Variants in PARD3 observed in about 807,000 individuals in gnomAD.
PARD3 encodes the protein par-3 family cell polarity regulator.
PARD3 carries 75 observed loss-of-function variants against 155.4 expected under a neutral mutation model. The ratio of observed to expected loss-of-function variants is 0.48; its 90% confidence interval spans 0.40 to 0.58. PARD3 has a LOEUF of 0.58. Ranked by LOEUF, PARD3 falls within the 20% of genes least tolerant of loss-of-function variation. PARD3 has a pLI of 0.00. For missense variants in PARD3, 1,642 were observed against 1,721.7 expected, an observed-to-expected ratio of 0.95 and a Z score of 0.82; for synonymous variants, 576 against 610.5, an observed-to-expected ratio of 0.94 and a Z score of 0.83.
intron 20 of PARD3, among the ~76,000 whole-genome samples, chr10:34,299,182 T>C (rs983914316): frequency 6.6e-6 from 1 of 152,192 alleles, no homozygotes; most frequent in Non-Finnish European, 1.5e-5. Flanking sequence ...AGGAGCCCAG[T>C]GCCTCCCAAA....
At chr10:34,667,493 T>C (rs913745274) in intron 2 of PARD3, among the ~76,000 whole-genome samples, 6 of 152,224 alleles carry the variant, frequency 3.9e-5, no homozygotes, top group African/African-American at 1.4e-4. Flanking sequence ...AATTTAAGGC[T>C]ACAAAATTGT....
chr10:34,516,431 G>C (rs1347350031), intron 3 of PARD3, among the ~76,000 whole-genome samples: 1 of 152,108 alleles, frequency 6.6e-6, no homozygotes, highest in Non-Finnish European at 1.5e-5. Context: ...AAGTATCCCA[G>C]ATCTGGAATA....
chr10:34,462,232 G>C (rs1383839713), intron 4 of PARD3, among the ~76,000 whole-genome samples: 1 of 152,168 alleles, frequency 6.6e-6, no homozygotes, highest in Non-Finnish European at 1.5e-5. Context: ...GAGAGCTACA[G>C]GTCTGTCACA....
intron 22 of PARD3, among the ~76,000 whole-genome samples, chr10:34,245,628 G>C (rs1236285839): frequency 6.6e-6 from 1 of 150,650 alleles, no homozygotes; most frequent in Non-Finnish European, 1.5e-5. Context: ...GGAATGTGTG[G>C]AGAAGAACTG....
At chr10:34,113,109 A>G (rs1186350045) in intron 24 of PARD3, among the ~76,000 whole-genome samples, 2 of 152,224 alleles carry the variant, frequency 1.3e-5, no homozygotes, top group East Asian at 1.9e-4. Flanking sequence ...TGTGACTGAT[A>G]TTACAGCAAC....
rs528308784 is a variant in PARD3 at position 34,297,171 on chromosome 10, C to T, written c.3066-12926G>A. Among the ~76,000 whole-genome samples, 18 of 152,096 alleles carry T rather than the reference C, an allele frequency of 1.2e-4. No individual in the cohort carries two copies. In the South Asian group the frequency reaches 2.1e-3, roughly 18 times the overall value. On this transcript the variant is annotated intron_variant, in intron 20 of 24. Coordinates refer to ENST00000374788, the MANE Select transcript of PARD3 (RefSeq NM_001184785.2). The stretch of plus-strand genomic sequence containing the variant: ...TGCAAAAATTAGCCGGGTACGGTGG[C>T]GCACGCCTGTCGTCCTAGCTACTCG...
chr10:34,803,097 G>A (rs1842976697), intron 1 of PARD3, among the ~76,000 whole-genome samples: 1 of 147,650 alleles, frequency 6.8e-6, no homozygotes, highest in Non-Finnish European at 1.5e-5. Flanking sequence ...AAATTAGCTG[G>A]GCGTGGTGGT....
intron 21 of PARD3, among the ~76,000 whole-genome samples, chr10:34,280,806 G>A (rs1014045533): frequency 6.6e-5 from 10 of 152,142 alleles, no homozygotes; most frequent in African/African-American, 2.4e-4. Context: ...GATGTTTTGA[G>A]AATAAATAAG....
intron 1 of PARD3, among the ~76,000 whole-genome samples, chr10:34,811,969 G>A (rs971119406): frequency 6.6e-6 from 1 of 152,192 alleles, no homozygotes; most frequent in Non-Finnish European, 1.5e-5. Context: ...AGGATGAACA[G>A]CTATTCCCAA....
At chr10:34,458,181 ATTT>A (rs1299726498) in intron 4 of PARD3, among the ~76,000 whole-genome samples, 1 of 152,004 alleles carries the variant, frequency 6.6e-6, no homozygotes, top group Non-Finnish European at 1.5e-5. Flanking sequence ...TCTTAAAATA[ATTT>A]TTTAATTTTG....
intron 3 of PARD3, among the ~76,000 whole-genome samples, chr10:34,498,137 A>G (rs2080416239): frequency 6.6e-6 from 1 of 152,186 alleles, no homozygotes; most frequent in Non-Finnish European, 1.5e-5. Flanking sequence ...AAAAAACAAA[A>G]ATTTCAAATA....
chr10:34,772,929 C>T (rs1272925848), intron 1 of PARD3, among the ~76,000 whole-genome samples: 1 of 151,944 alleles, frequency 6.6e-6, no homozygotes, highest in East Asian at 1.9e-4. Context: ...TTAAAATATG[C>T]CCTTAACATG....
At chr10:34,793,119 G>A (rs1841863544) in intron 1 of PARD3, among the ~76,000 whole-genome samples, 1 of 152,200 alleles carries the variant, frequency 6.6e-6, no homozygotes, top group Non-Finnish European at 1.5e-5. Flanking sequence ...TCAGCCTTGA[G>A]CCCACCTGGG....
intron 22 of PARD3, among the ~76,000 whole-genome samples, chr10:34,229,662 G>A (rs911448380): frequency 1.4e-4 from 6 of 41,844 alleles, no homozygotes; most frequent in Non-Finnish European, 2.8e-4. Context: ...TTGAGGGTGC[G>A]TGTGTGTGTG....
At chr10:34,186,728 C>T (rs1174208789) in intron 22 of PARD3, among the ~76,000 whole-genome samples, 1 of 152,166 alleles carries the variant, frequency 6.6e-6, no homozygotes, top group Admixed American at 6.5e-5. Context: ...CCTTCCTCTT[C>T]CCTGGGTGCC....
rs138749905 is a variant in PARD3 at position 34,582,240 on chromosome 10, C to A, written c.223-65081G>T. 7.3e-3 allele frequency among the ~76,000 whole-genome samples: 1,108 copies of A among 152,278 alleles called. 13 individuals carry two copies. Among genetic ancestry groups the A allele is most frequent in the African/African-American group, 0.026 (1,067 of 41,566 alleles). ...CCATTCTCCAAAGCCAATTCTTAGACCCTTAAAGAAATGATGAGCTGGCAT... is the reference window on the plus strand; with the variant it reads ...CCATTCTCCAAAGCCAATTCTTAGAACCTTAAAGAAATGATGAGCTGGCAT... On this transcript the variant is annotated intron_variant, in intron 2 of 24. Coordinates refer to ENST00000374788, the MANE Select transcript of PARD3 (RefSeq NM_001184785.2).
intron 23 of PARD3, among the ~76,000 whole-genome samples, chr10:34,129,954 C>A (rs958080205): frequency 6.6e-6 from 1 of 151,028 alleles, no homozygotes; most frequent in South Asian, 2.1e-4. Flanking sequence ...ATGGTATGAG[C>A]CACCATGCCT....
At chr10:34,784,339 G>A (rs555518448) in intron 1 of PARD3, among the ~76,000 whole-genome samples, 2 of 152,232 alleles carry the variant, frequency 1.3e-5, no homozygotes, top group Non-Finnish European at 2.9e-5. Context: ...GAGAAAAAAA[G>A]ACCCACATGT....
At chr10:34,442,590 C>A (rs1382898221) in intron 5 of PARD3, among the ~76,000 whole-genome samples, 2 of 152,304 alleles carry the variant, frequency 1.3e-5, no homozygotes, top group South Asian at 4.2e-4. Flanking sequence ...AAAGAAAATA[C>A]AGGCATCATG....
Sources: gnomAD v4.1 joint callset for allele counts (sites outside exome capture counted in the v4.1 genomes callset) on GRCh38, gnomAD v4.1.1 for gene constraint, MANE v1.5 for transcripts, NCBI Gene and HGNC (gene_info 2026-07-23, HGNC 2026-07-21) for gene names.